Variants in RHPN1 observed in about 807,000 individuals in gnomAD.
The protein encoded by RHPN1 is rhophilin-1.
In RHPN1, 77 loss-of-function variants were observed where a neutral mutation model predicts 74.7. The observed-to-expected ratio is 1.03, with a 90% confidence interval of 0.86 to 1.25. The LOEUF (loss-of-function observed/expected upper bound fraction) is 1.25, where lower values mean the gene tolerates loss of function less well. Ranked by LOEUF, RHPN1 falls within the 50% of genes most tolerant of loss-of-function variation. The probability of loss-of-function intolerance (pLI) is 0.00; values close to 1 mark genes in which losing one functional copy is unlikely to be tolerated. For missense variants in RHPN1, 987 were observed against 932.2 expected, an observed-to-expected ratio of 1.06 and a Z score of -0.77; for synonymous variants, 444 against 414.5, an observed-to-expected ratio of 1.07 and a Z score of -0.87.
intron 11 of RHPN1, 78 bp from the exon 12 acceptor site, chr8:143,381,190 C>A: frequency 1.6e-6 from 2 of 1,251,596 alleles, no homozygotes; most frequent in South Asian, 1.4e-5. Context: ...CACTCAGGGT[C>A]ATGCCCTGCG....
rs1231855429 is a variant in RHPN1, at chr8:143,382,433, C to T, written c.1798-3C>T. The T allele has an allele frequency of 6.4e-7, 1 of 1,556,212 alleles. No homozygotes were observed. The stretch of plus-strand genomic sequence containing the variant: ...CCACAGTCTGTCTCTGTCCCTGCTG[C>T]AGGGGGACCGCCGGCCCGTCCTGCT... On this transcript the variant is annotated splice_region_variant and splice_polypyrimidine_tract_variant and intron_variant, in intron 14 of 14. Coordinates refer to ENST00000289013, the MANE Select transcript of RHPN1 (RefSeq NM_052924.3).
rs562906015 is a variant in RHPN1, at chr8:143,383,129, G to A, written c.*478G>A. 7.3e-5 allele frequency: 14 copies of A among 191,346 alleles called. No homozygotes were observed. In the East Asian group the frequency reaches 9.4e-4, roughly 13 times the overall value. The allele number at this position is 191,346 out of a possible 1,614,324, so 11.9% of individuals were successfully genotyped here. On this transcript the variant is annotated 3_prime_UTR_variant, in exon 15 of 15. Coordinates refer to ENST00000289013, the MANE Select transcript of RHPN1 (RefSeq NM_052924.3). Reference sequence around the variant, plus strand: ...CACAGCACCCGCAGACCTCTAGGCCGGGTCCCAGACATGGCCTTCCCCCAA... The same window carrying A: ...CACAGCACCCGCAGACCTCTAGGCCAGGTCCCAGACATGGCCTTCCCCCAA...
rs1364300425 is a variant in RHPN1, at chr8:143,382,647, C to T, written c.2009C>T (p.Pro670Leu). 33 of 1,608,438 alleles carry T rather than the reference C, an allele frequency of 2.1e-5. No homozygotes were observed. Among genetic ancestry groups the T allele is most frequent in the Admixed American group, 5.0e-5 (3 of 59,926 alleles). Residue 670 changes from proline to leucine, a missense_variant, in exon 15 of 15, where the codon CCG (proline) becomes CTG (leucine). Coordinates refer to ENST00000289013, the MANE Select transcript of RHPN1 (RefSeq NM_052924.3). ...TCATCCTTGAAGCACCCAGGGTGGC[C>T]GTGAGGGCCAGGATCCCTGCACGCC... ...PPSSLKHPGWP is the reference protein window; with the variant it reads ...PPSSLKHPGWL
rs1381897236 is a variant in RHPN1, at chr8:143,384,068, AG to A, written c.*1420del. ...CCGCGGCGCGATCTTCCTGGGCAGG[AG>A]GGCAGGGCTCCCCAACCTGCCTGAG... On this transcript the variant is annotated 3_prime_UTR_variant, in exon 15 of 15. Transcript: ENST00000289013. The A allele has an allele frequency of 1.3e-5, 2 of 152,044 alleles. No homozygotes were observed. The highest frequency in any genetic ancestry group is 2.9e-5 in the Non-Finnish European group (2 of 67,994). The allele number at this position is 152,044 out of a possible 1,614,324, so 9.4% of individuals were successfully genotyped here.
At chr8:143,380,493 A>G in intron 10 of RHPN1, 96 bp from the exon 11 acceptor site, 1 of 1,185,014 alleles carries the variant, frequency 8.4e-7, no homozygotes, top group Non-Finnish European at 1.1e-6. Flanking sequence ...AGTGGCTGTG[A>G]TGAGCCCCAC....
chr8:143,382,106 C>A, intron 14 of RHPN1, 138 bp downstream of exon 14: 1 of 869,930 alleles, frequency 1.1e-6, no homozygotes, highest in Non-Finnish European at 1.7e-6. Context: ...GCCTCCTGGG[C>A]AGGGGCCACC....
upstream of RHPN1, among the ~76,000 whole-genome samples, chr8:143,365,698 A>T (rs1563779701): frequency 6.6e-6 from 1 of 152,230 alleles, no homozygotes; most frequent in Non-Finnish European, 1.5e-5. Context: ...GTACTGGTCC[A>T]TATAAAAGCA....
chr8:143,377,417 A>T lies in RHPN1; in HGVS notation c.343A>T (p.Lys115Ter). The change falls in exon 4 of 15, where the codon AAG becomes TAG. Residue 115 changes from lysine (K) to a stop codon, truncating the protein, a stop_gained. Transcript: ENST00000289013. LOFTEE classifies it high-confidence loss of function. ...VTVPMIPLGLKETKELDWSTP... is the reference protein window; with the variant it reads ...VTVPMIPLGL ...TGTCCCCATGATCCCCCTGGGCCTG[A>T]AGGAGACCAAGGAGCTGGACTGGTC... The T allele has an allele frequency of 6.2e-7, 1 of 1,613,414 alleles. No homozygotes were observed. The highest frequency in any genetic ancestry group is 1.1e-5 in the South Asian group (1 of 91,080).
At position 143,379,372 on chromosome 8, in the gene RHPN1, C is replaced by T; in HGVS notation, c.809C>T (p.Ala270Val). Residue 270 changes from alanine (A) to valine (V), a missense_variant, in exon 8 of 15, where the codon GCT becomes GTT. By Grantham distance (64) the Ala-to-Val change is moderately conservative (BLOSUM62 0). Transcript: ENST00000289013. The part of the protein sequence containing the change: ...FSHAPSPDMS[A>V]ASLCALEQLM... The stretch of plus-strand genomic sequence containing the variant: ...CATGCGCCGAGCCCAGACATGAGCG[C>T]TGCGTCCCTCTGCGCACTGGAGCAG... 1 of 1,601,264 alleles carries T rather than the reference C, an allele frequency of 6.2e-7. No homozygotes were observed. The highest frequency in any genetic ancestry group is 8.5e-7 in the Non-Finnish European group (1 of 1,174,346).
At chr8:143,374,610 G>A (rs574282774) in intron 1 of RHPN1, among the ~76,000 whole-genome samples, 3 of 152,312 alleles carry the variant, frequency 2.0e-5, no homozygotes, top group Non-Finnish European at 4.4e-5. Flanking sequence ...GACAGCCACA[G>A]GTAGCTGCAA....
At position 143,380,631 on chromosome 8, in the gene RHPN1, C is replaced by T. The variant is rs745541612; in HGVS notation, c.1259C>T (p.Ala420Val). Residue 420 changes from alanine (A) to valine (V), a missense_variant, in exon 11 of 15, where the codon GCG (alanine) becomes GTG (valine). Physicochemically the swap from Ala to Val is moderately conservative, Grantham distance 64 (BLOSUM62 0). Transcript: ENST00000289013. ...CGTGCCATCCTGGGGCAGGAGGAGG[C>T]GCTGCGGCTGCACGCCCTGTGCCGC... ...LKRAILGQEE[A>V]LRLHALCRVL... 9.7e-6 allele frequency: 15 copies of T among 1,552,888 alleles called. No homozygotes were observed. The highest frequency in any genetic ancestry group is 1.4e-5 in the African/African-American group (1 of 73,514).
At position 143,381,859 on chromosome 8, in the gene RHPN1, G is replaced by A; in HGVS notation, c.1688G>A (p.Cys563Tyr). The A allele has an allele frequency of 6.2e-7, 1 of 1,613,094 alleles. No individual in the cohort carries two copies. Among genetic ancestry groups the A allele is most frequent in the Admixed American group, 1.7e-5 (1 of 60,010 alleles). ...ATTGTGTCAGTGAATGGGCAGCCAT[G>A]CAGGTGGTGGAGACACGCGGAGGTG... The part of the protein sequence containing the change: ...DYIVSVNGQP[C>Y]RWWRHAEVVT... Residue 563 changes from cysteine (C) to tyrosine (Y), a missense_variant, in exon 14 of 15, where the codon TGC (cysteine) becomes TAC (tyrosine). Transcript: ENST00000289013.
chr8:143,376,685 G>A, intron 3 of RHPN1, 32 bp downstream of exon 3: 3 of 1,546,642 alleles, frequency 1.9e-6, no homozygotes, highest in Non-Finnish European at 2.6e-6. Context: ...GCACGTGCGT[G>A]TATGTGTGTG....
chr8:143,381,234 C>G, intron 11 of RHPN1, 34 bp from the exon 12 acceptor site: 3 of 1,585,086 alleles, frequency 1.9e-6, no homozygotes, highest in Non-Finnish European at 2.6e-6. Context: ...TCTCCACAGT[C>G]TCCCAGCTTA....
chr8:143,380,328 G>T, intron 10 of RHPN1, 153 bp downstream of exon 10: 1 of 695,198 alleles, frequency 1.4e-6, no homozygotes, highest in Non-Finnish European at 2.4e-6. Context: ...TGCCTGATGG[G>T]TGACGGCCCA....
chr8:143,369,112 T>A (rs956290875), intron 1 of RHPN1, 65 bp downstream of exon 1: 2 of 1,289,448 alleles, frequency 1.6e-6, no homozygotes, highest in Admixed American at 6.5e-5. Context: ...CTGCCCCCCC[T>A]CGAGGCGCGT....
upstream of RHPN1, chr8:143,366,968 T>G (rs1051926070): frequency 6.6e-6 from 1 of 152,242 alleles, no homozygotes; most frequent in Non-Finnish European, 1.5e-5. Flanking sequence ...AGTGTGAACT[T>G]TGGAAGCATC....
At chr8:143,377,309 G>A in intron 3 of RHPN1, 71 bp from the exon 4 acceptor site, 1 of 1,260,334 alleles carries the variant, frequency 7.9e-7, no homozygotes, top group Non-Finnish European at 1.2e-6. Context: ...AGAGCCCTAG[G>A]AGTGGACCCC....
rs1313791703 is a variant in RHPN1 at position 143,378,978 on chromosome 8, CT to C, written c.653del (p.Phe218SerfsTer39). On this transcript the variant is annotated frameshift_variant, in exon 7 of 15. Coordinates refer to ENST00000289013, the MANE Select transcript of RHPN1 (RefSeq NM_052924.3). LOFTEE classifies it high-confidence loss of function. ...TGGCCTTCGAGAAGGGCAGCGTTCT[CT>C]TCAACATCGGTGCCCTCCACACGCA... Reference protein sequence around the residue: ...ALAFEKGSVLFNIGALHTQIG... With the variant: ...ALAFEKGSVLXNIGALHTQIG... The C allele has an allele frequency of 6.4e-7, 1 of 1,561,244 alleles. No individual in the cohort carries two copies.
Sources: gnomAD v4.1 joint callset for allele counts (sites outside exome capture counted in the v4.1 genomes callset) on GRCh38, gnomAD v4.1.1 for gene constraint, MANE v1.5 for transcripts, NCBI Gene and HGNC (gene_info 2026-07-23, HGNC 2026-07-21) for gene names.